CSMD2: variants seen among roughly 807,000 people sequenced by gnomAD.
The protein encoded by CSMD2 is CUB and sushi domain-containing protein 2.
In CSMD2, 130 loss-of-function variants were observed where a neutral mutation model predicts 398.5. The ratio of observed to expected loss-of-function variants is 0.33; its 90% CI spans 0.28 to 0.38. CSMD2 has a LOEUF of 0.38. CSMD2 is among the 10% of genes least tolerant of loss of function. The pLI is 1.00. For missense variants in CSMD2, 3,829 were observed against 4,764.9 expected (o/e 0.80, Z 5.78); for synonymous variants, 1,828 against 1,908.5 (o/e 0.96, Z 1.10).
chr1:34,013,341 C>T (rs543327474), intron 3 of CSMD2, among the ~76,000 whole-genome samples: 76 of 152,318 alleles, frequency 5.0e-4, no homozygotes, highest in Admixed American at 9.1e-4. Flanking sequence ...TGCACACACA[C>T]GACCTGCCTC....
intron 26 of CSMD2, among the ~76,000 whole-genome samples, chr1:33,661,574 AACT>A (rs1644134679): frequency 6.6e-6 from 1 of 152,182 alleles, no homozygotes; most frequent in African/African-American, 2.4e-5. Flanking sequence ...TGATCATGCA[AACT>A]TCTTTTTTCT....
chr1:34,142,123 A>ATGTGTG (rs1639350752), intron 1 of CSMD2, among the ~76,000 whole-genome samples: 1 of 152,062 alleles, frequency 6.6e-6, no homozygotes, highest in Non-Finnish European at 1.5e-5. Flanking sequence ...TGTTTGCTGC[A>ATGTGTG]TGTGTGAGTC....
intron 10 of CSMD2, among the ~76,000 whole-genome samples, chr1:33,793,604 G>A (rs936853925): frequency 3.3e-5 from 5 of 152,164 alleles, no homozygotes; most frequent in African/African-American, 1.2e-4. Flanking sequence ...GCCAGGGGAG[G>A]AGCAGTAGAG....
chr1:33,636,569 T>C lies in CSMD2; in HGVS notation c.4775-15A>G, dbSNP rs1642817055. The C allele has an allele frequency of 6.2e-7, 1 of 1,611,168 alleles. No individual in the cohort carries two copies. Among genetic ancestry groups the C allele is most frequent in the Non-Finnish European group, 8.5e-7 (1 of 1,177,650 alleles). ...CCGCGGGTTTTCTGGGAAAAAGAAA[T>C]ACAAACACGTGCACACACACAGAGG... On this transcript the variant is annotated splice_polypyrimidine_tract_variant and intron_variant, in intron 29 of 70. Transcript: ENST00000373381. This position sits in a 1 kb window ranked among gnomAD's most constrained non-coding sequence, Gnocchi z 4.8.
At chr1:34,047,715 C>A (rs1037893997) in intron 2 of CSMD2, among the ~76,000 whole-genome samples, 1 of 152,108 alleles carries the variant, frequency 6.6e-6, no homozygotes, top group Non-Finnish European at 1.5e-5. Context: ...GATGCACCAG[C>A]CTGAGCTGAT....
At chr1:33,837,412 A>G (rs904343271) in intron 6 of CSMD2, among the ~76,000 whole-genome samples, 4 of 151,958 alleles carry the variant, frequency 2.6e-5, no homozygotes, top group Non-Finnish European at 5.9e-5. Context: ...TGGAGCACCC[A>G]CTAGCCTTGT....
chr1:33,727,353 A>G (rs1434358139), intron 15 of CSMD2, among the ~76,000 whole-genome samples: 1 of 152,162 alleles, frequency 6.6e-6, no homozygotes, highest in Admixed American at 6.5e-5. Context: ...AAAGTCTGTT[A>G]TTTATGCCTC....
chr1:33,578,596 A>G (rs1237667481), intron 48 of CSMD2, among the ~76,000 whole-genome samples: 1 of 152,146 alleles, frequency 6.6e-6, no homozygotes, highest in Non-Finnish European at 1.5e-5. Context: ...AGCAAACAAA[A>G]AAAACAAAAC....
At chr1:33,721,723 G>A (rs1054687209) in intron 19 of CSMD2, among the ~76,000 whole-genome samples, 2 of 152,238 alleles carry the variant, frequency 1.3e-5, no homozygotes, top group African/African-American at 2.4e-5. Context: ...CTAGCCCTGG[G>A]TAGGGCAGGC....
At position 33,636,648 on chromosome 1, in the gene CSMD2, T is replaced by G; in HGVS notation, c.4775-94A>C. 1 of 1,021,746 alleles carries G rather than the reference T, an allele frequency of 9.8e-7. No individual in the cohort carries two copies. The highest frequency in any genetic ancestry group is 1.5e-5 in the South Asian group (1 of 66,662). 63.3% of individuals were successfully genotyped at this position (1,021,746 alleles called of 1,614,324 possible). On this transcript the variant is annotated intron_variant, in intron 29 of 70. Coordinates refer to ENST00000373381, the MANE Select transcript of CSMD2 (RefSeq NM_001281956.2). The surrounding 1 kb of genome is among the most constrained non-coding windows in gnomAD (Gnocchi z 4.8). ...AGTGCCCATGAGGAGAACCCGACTT[T>G]AATTAGCCACAGAGCACACGGGGAT...
In CSMD2 at chr1:33,708,606, A is replaced by ATTATTATTATTATTATTATTC. The variant is rs1486255058; in HGVS notation, c.3576+482_3576+483insGAATAATAATAATAATAATAA. On this transcript the variant is annotated intron_variant, in intron 22 of 70. Transcript: ENST00000373381. ...TCCAACCGAACTTATTATTATTATT[A>ATTATTATTATTATTATTATTC]TTATTATTATTTTGAGACAGGGTCT... 4.0e-5 allele frequency among the ~76,000 whole-genome samples: 6 copies of ATTATTATTATTATTATTATTC among 148,526 alleles called. No individual in the cohort carries two copies. The East Asian group carries it at 1.2e-3, about 29-fold the overall frequency.
chr1:33,665,371 T>G (rs1644272599), intron 25 of CSMD2, among the ~76,000 whole-genome samples: 1 of 150,502 alleles, frequency 6.6e-6, no homozygotes, highest in Non-Finnish European at 1.5e-5. Flanking sequence ...TGGGCAGACC[T>G]CTCCCCGACC....
rs1641762121 is a variant in CSMD2 at position 34,165,115 on chromosome 1, C to T, written c.-18G>A. The T allele has an allele frequency of 8.2e-7, 1 of 1,214,090 alleles. No individual in the cohort carries two copies. Among genetic ancestry groups the T allele is most frequent in the Non-Finnish European group, 1.0e-6 (1 of 976,416 alleles). 75.2% of individuals were successfully genotyped at this position (1,214,090 alleles called of 1,614,324 possible). A position where few individuals can be genotyped will look rare whatever the true frequency, so the allele number is the denominator to read the frequency against. On this transcript the variant is annotated 5_prime_UTR_variant, in exon 1 of 71. Transcript: ENST00000373381. ...CGCGGCATGGCGCGGCCGGCAGCGCCGAGGGAGAGGCTCCGCTCGCCGCCG... is the reference window on the plus strand; with the variant it reads ...CGCGGCATGGCGCGGCCGGCAGCGCTGAGGGAGAGGCTCCGCTCGCCGCCG...
At chr1:33,887,387 A>C (rs1371232201) in intron 5 of CSMD2, among the ~76,000 whole-genome samples, 1 of 152,216 alleles carries the variant, frequency 6.6e-6, no homozygotes, top group Non-Finnish European at 1.5e-5. Context: ...TTTTGAGGTC[A>C]AGGGTTTATA....
chr1:34,035,090 T>C (rs1279927154), intron 2 of CSMD2, among the ~76,000 whole-genome samples: 1 of 152,088 alleles, frequency 6.6e-6, no homozygotes, highest in African/African-American at 2.4e-5. Flanking sequence ...TACTACAAAT[T>C]ACACACATGC....
Position 33,680,114 on chromosome 1 carries a change from C to T in CSMD2, c.4052+12816G>A, listed in dbSNP as rs181974509. Among the ~76,000 whole-genome samples, 37 of 137,644 alleles carry T rather than the reference C, an allele frequency of 2.7e-4. No individual in the cohort carries two copies. The South Asian group carries it at 4.8e-3, about 18-fold the overall frequency. 90.3% of individuals were successfully genotyped at this position (137,644 alleles called of 152,430 possible). ...TTTTTATTTTTATTTTTAGTAGAGA[C>T]GGGGTTTCACCGTGTTAGCCAGGAT... On this transcript the variant is annotated intron_variant, in intron 25 of 70. Coordinates refer to ENST00000373381, the MANE Select transcript of CSMD2 (RefSeq NM_001281956.2).
At chr1:33,544,307 C>T (rs1340545588) in intron 57 of CSMD2, among the ~76,000 whole-genome samples, 4 of 145,710 alleles carry the variant, frequency 2.7e-5, no homozygotes, top group Admixed American at 1.4e-4. Context: ...TTAGTAGAGA[C>T]GGGGTTTCAC....
chr1:33,569,513 A>G lies in CSMD2; in HGVS notation c.7992T>C (p.Asn2664=). The G allele has an allele frequency of 1.9e-6, 3 of 1,614,162 alleles. No individual in the cohort carries two copies. Among genetic ancestry groups the G allele is most frequent in the Non-Finnish European group, 2.5e-6 (3 of 1,180,000 alleles). The change falls in exon 52 of 71, where the codon AAT becomes AAC. Residue 2664 remains asparagine, a synonymous_variant. Transcript: ENST00000373381. The stretch of plus-strand genomic sequence containing the variant: ...CAGACAGTGTTCCGATGCGGTGGCC[A>G]TTGGGGGGAATCGGGAGCTCTCCAC... The part of the protein sequence containing the change: ...ISCGELPIPP[N]GHRIGTLSVY...
At chr1:33,983,760 T>C (rs1009892584) in intron 3 of CSMD2, among the ~76,000 whole-genome samples, 1 of 152,114 alleles carries the variant, frequency 6.6e-6, no homozygotes, top group African/African-American at 2.4e-5. Flanking sequence ...TTTCTGTGCA[T>C]GTATTGGGCA....
Sources: gnomAD v4.1 joint callset for allele counts (sites outside exome capture counted in the v4.1 genomes callset) on GRCh38, gnomAD v4.1.1 for gene constraint, Gnocchi (gnomAD v3.1) non-coding constraint, MANE v1.5 for transcripts, NCBI Gene and HGNC (gene_info 2026-07-23, HGNC 2026-07-21) for gene names.